Variants in PDCD4 observed in about 807,000 individuals in gnomAD.
PDCD4 encodes programmed cell death 4.
In PDCD4, 56 loss-of-function variants were observed where a neutral mutation model predicts 54.0. The ratio of observed to expected loss-of-function variants is 1.04; its 90% confidence interval spans 0.84 to 1.30. The LOEUF (loss-of-function observed/expected upper bound fraction) is 1.30, where lower values mean the gene tolerates loss of function less well. Among genes scored for constraint, PDCD4 ranks in the 50% most tolerant of loss-of-function variants. The pLI is 0.00. For synonymous variants in PDCD4, 186 were observed against 194.8 expected, an observed-to-expected ratio of 0.95 and a Z score of 0.37; for missense variants, 584 against 559.8, an observed-to-expected ratio of 1.04 and a Z score of -0.44.
At chr10:110,887,534 CTTTTGA>C in intron 5 of PDCD4, 125 bp from the exon 6 acceptor site, 1 of 612,288 alleles carries the variant, frequency 1.6e-6, no homozygotes, top group Non-Finnish European at 2.8e-6. Flanking sequence ...ATGACTGGGT[CTTTTGA>C]TTATTTCCAA....
At chr10:110,894,556 G>GAT in intron 10 of PDCD4, 34 bp downstream of exon 10, 1 of 917,428 alleles carries the variant, frequency 1.1e-6, no homozygotes, top group Non-Finnish European at 1.8e-6. Context: ...CAACTTGTAG[G>GAT]ATTATGTCTT....
intron 8 of PDCD4, among the ~76,000 whole-genome samples, chr10:110,893,375 A>G (rs1845785199): frequency 6.6e-6 from 1 of 150,524 alleles, no homozygotes; most frequent in South Asian, 2.1e-4. Context: ...GTCAGCCAAC[A>G]TTCAACATTC....
At chr10:110,890,507 C>G in intron 7 of PDCD4, 49 bp from the exon 8 acceptor site, 1 of 1,027,892 alleles carries the variant, frequency 9.7e-7, no homozygotes, top group Non-Finnish European at 1.5e-6. Context: ...ATTTAGTAAA[C>G]TTTAGGTATG....
intron 8 of PDCD4, among the ~76,000 whole-genome samples, chr10:110,892,601 A>G (rs1845772486): frequency 6.6e-6 from 1 of 152,186 alleles, no homozygotes; most frequent in South Asian, 2.1e-4. Context: ...GTGCCACATT[A>G]TGATGTTTTG....
At chr10:110,877,384 T>C (rs900160537) in intron 2 of PDCD4, among the ~76,000 whole-genome samples, 1 of 152,222 alleles carries the variant, frequency 6.6e-6, no homozygotes, top group Non-Finnish European at 1.5e-5. Flanking sequence ...CATGTGTTTG[T>C]TGAGTACTTG....
intron 5 of PDCD4, 65 bp from the exon 6 acceptor site, chr10:110,887,600 A>G (rs1265653944): frequency 8.5e-7 from 1 of 1,181,894 alleles, no homozygotes; most frequent in African/African-American, 1.6e-5. Context: ...TTCAAAAATA[A>G]AATTTTATTG....
At chr10:110,876,752 A>T in intron 2 of PDCD4, 1 of 1,133,702 alleles carries the variant, frequency 8.8e-7, no homozygotes, top group Non-Finnish European at 1.2e-6. Context: ...AGATGACCAA[A>T]TGTGAGTAAC....
In PDCD4 at chr10:110,876,077, A is replaced by G. The variant is rs776207891; in HGVS notation, c.43+7A>G. The G allele has an allele frequency of 1.9e-5, 31 of 1,602,906 alleles. No individual in the cohort carries two copies. Among genetic ancestry groups the G allele is most frequent in the Non-Finnish European group, 2.6e-5 (30 of 1,173,216 alleles). ...CTGAATGTAAACCCTGCAGGTAAGT[A>G]AGGATATCCTTTTTTCTTTTTTTCT... is the stretch of plus-strand genomic sequence containing the variant. On this transcript the variant is annotated splice_region_variant and intron_variant, in intron 2 of 11. Coordinates refer to ENST00000280154, the MANE Select transcript of PDCD4 (RefSeq NM_014456.5).
intron 2 of PDCD4, among the ~76,000 whole-genome samples, chr10:110,878,265 T>A (rs1377495957): frequency 6.6e-6 from 1 of 152,194 alleles, no homozygotes; most frequent in African/African-American, 2.4e-5. Context: ...ATATATAAAT[T>A]ATACTGAGAG....
At chr10:110,898,003 A>G (rs767826132) in intron 11 of PDCD4, 25 bp from the exon 12 acceptor site, 5 of 1,542,968 alleles carry the variant, frequency 3.2e-6, no homozygotes, top group Admixed American at 1.9e-5. Context: ...ATCTGTTTTC[A>G]TGTCTTTTTT....
At chr10:110,882,948 T>A (rs1211689344) in intron 3 of PDCD4, 55 bp from the exon 4 acceptor site, 1 of 1,063,942 alleles carries the variant, frequency 9.4e-7, no homozygotes, top group Non-Finnish European at 1.4e-6. Flanking sequence ...TATTTTAGAT[T>A]TCAACAAATT....
At chr10:110,874,054 C>T (rs1301530310) in intron 1 of PDCD4, among the ~76,000 whole-genome samples, 2 of 152,196 alleles carry the variant, frequency 1.3e-5, no homozygotes, top group Admixed American at 1.3e-4. Context: ...TTGGATTGAA[C>T]TTGTGCAAAC....
intron 7 of PDCD4, among the ~76,000 whole-genome samples, chr10:110,890,281 T>G (rs1845734787): frequency 6.6e-6 from 1 of 152,194 alleles, no homozygotes; most frequent in Admixed American, 6.5e-5. Flanking sequence ...TGAAAGTTAA[T>G]TATATGTGAA....
At chr10:110,891,657 GGTGT>G (rs144010782) in intron 8 of PDCD4, among the ~76,000 whole-genome samples, 28 of 151,450 alleles carry the variant, frequency 1.8e-4, no homozygotes, top group African/African-American at 3.6e-4. Context: ...CTTTTAATGA[GGTGT>G]GTGTGTGTGT....
chr10:110,880,582 G>T (rs1845575396), intron 2 of PDCD4: 1 of 152,244 alleles, frequency 6.6e-6, no homozygotes, highest in Non-Finnish European at 1.5e-5. Context: ...TAAAGCATCA[G>T]CAGTTCAGCT....
At chr10:110,875,400 A>T (rs950672081) in intron 1 of PDCD4, among the ~76,000 whole-genome samples, 4 of 152,182 alleles carry the variant, frequency 2.6e-5, no homozygotes, top group Non-Finnish European at 4.4e-5. Flanking sequence ...TGATTTTAAA[A>T]GTTTCTCCCA....
At chr10:110,895,687 TTC>T (rs1178979252) in intron 10 of PDCD4, among the ~76,000 whole-genome samples, 1 of 152,190 alleles carries the variant, frequency 6.6e-6, no homozygotes, top group Non-Finnish European at 1.5e-5. Flanking sequence ...CTAATTTGCA[TTC>T]CCACCAACAG....
intron 4 of PDCD4, among the ~76,000 whole-genome samples, chr10:110,884,121 T>C (rs926225301): frequency 2.6e-5 from 4 of 152,220 alleles, no homozygotes; most frequent in Non-Finnish European, 5.9e-5. Flanking sequence ...TTGCATGCCA[T>C]TCTGAGTAGT....
At chr10:110,883,195 T>TCC in intron 4 of PDCD4, 98 bp downstream of exon 4, 1 of 767,636 alleles carries the variant, frequency 1.3e-6, no homozygotes, top group Non-Finnish European at 2.1e-6. Context: ...ATCATATGTA[T>TCC]AAATGTTTTG....
Sources: allele counts gnomAD v4.1 joint callset (sites outside exome capture counted in the v4.1 genomes callset), GRCh38; gene constraint gnomAD v4.1.1; transcripts MANE v1.5; gene names NCBI Gene and HGNC (gene_info 2026-07-23, HGNC 2026-07-21).